CSF2RA: variants seen among roughly 807,000 people sequenced by gnomAD.
CSF2RA encodes colony stimulating factor 2 receptor subunit alpha, also known as granulocyte-macrophage colony-stimulating factor receptor subunit alpha.
Under a neutral mutation model 51.6 loss-of-function variants are expected in CSF2RA, and 42 were observed. That is an observed-to-expected ratio of 0.81 (90% CI 0.64 to 1.05). CSF2RA has a LOEUF of 1.05. CSF2RA is among the 50% of genes least tolerant of loss of function. The probability of loss-of-function intolerance (pLI) is 0.00; values close to 1 mark genes in which losing one functional copy is unlikely to be tolerated. For missense variants in CSF2RA, 530 were observed against 501.1 expected, an observed-to-expected ratio of 1.06 and a Z score of -0.55; for synonymous variants, 222 against 193.0, an observed-to-expected ratio of 1.15 and a Z score of -1.24.
At chrX:1,293,065 A>G (rs1485474744) in intron 7 of CSF2RA, among the ~76,000 whole-genome samples, 1 of 152,004 alleles carries the variant, frequency 6.6e-6, no homozygotes, top group African/African-American at 2.4e-5. Context: ...AACAAGACAC[A>G]GCACATGTTT....
intron 6 of CSF2RA, among the ~76,000 whole-genome samples, 173 bp from the exon 7 acceptor site, chrX:1,290,151 GTTTTGTTTTGTGT>G (rs1206025685): frequency 3.3e-5 from 3 of 90,276 alleles, no homozygotes; most frequent in African/African-American, 8.7e-5. Flanking sequence ...GTTTGTTTTC[GTTTTGTTTTGTGT>G]TTTTGTTTTG....
the CSF2RA span, among the ~76,000 whole-genome samples, chrX:1,321,801 C>G: frequency 6.6e-6 from 1 of 152,076 alleles, no homozygotes; most frequent in Non-Finnish European, 1.5e-5. Context: ...TTTTTTGCCA[C>G]ACTGCTTATG....
chrX:1,305,550 G>C, intron 12 of CSF2RA, 23 bp downstream of exon 12: 1 of 1,613,996 alleles, frequency 6.2e-7, no homozygotes, highest in Non-Finnish European at 8.5e-7. Context: ...GGGCGGAGCA[G>C]TGACCTGGGA....
downstream of CSF2RA, among the ~76,000 whole-genome samples, chrX:1,313,032 C>G (rs1464396326): frequency 6.6e-6 from 1 of 152,034 alleles, no homozygotes; most frequent in Non-Finnish European, 1.5e-5. Context: ...GGAAGCAGGT[C>G]CACCTCCCCA....
At chrX:1,307,583 A>ATCCTT (rs1312319471) in intron 12 of CSF2RA, among the ~76,000 whole-genome samples, 3 of 148,850 alleles carry the variant, frequency 2.0e-5, no homozygotes, top group Admixed American at 6.8e-5. Flanking sequence ...GATGAGGCCC[A>ATCCTT]CCCTTCCCCC....
chrX:1,284,433 T>TTTTC (rs1364684279), intron 3 of CSF2RA, among the ~76,000 whole-genome samples: 10 of 50,534 alleles, frequency 2.0e-4, no homozygotes, highest in East Asian at 1.3e-3. Context: ...AGTTTTTGAT[T>TTTTC]TTTTTTTTTT....
At chrX:1,319,617 A>G in the CSF2RA span, among the ~76,000 whole-genome samples, 1 of 148,020 alleles carries the variant, frequency 6.8e-6, no homozygotes, top group East Asian at 2.0e-4. Context: ...GAATCTCACT[A>G]TGTTACCCAG....
chrX:1,283,948 C>A (rs151281169), intron 3 of CSF2RA, among the ~76,000 whole-genome samples: 1 of 151,674 alleles, frequency 6.6e-6, no homozygotes, highest in African/African-American at 2.4e-5. Context: ...TTTGCGTTTC[C>A]GGGAGGGACC....
At chrX:1,324,154 C>T in the CSF2RA span, among the ~76,000 whole-genome samples, 2 of 151,602 alleles carry the variant, frequency 1.3e-5, no homozygotes, top group Non-Finnish European at 2.9e-5. Flanking sequence ...CGCTGCACTC[C>T]AGCCTGGGTG....
At chrX:1,280,334 A>G (rs2089729211) in intron 2 of CSF2RA, among the ~76,000 whole-genome samples, 1 of 151,852 alleles carries the variant, frequency 6.6e-6, no homozygotes, top group Non-Finnish European at 1.5e-5. Context: ...AGCCTGGCAT[A>G]ATGGCGGGCG....
intron 2 of CSF2RA, chrX:1,281,818 AC>A (rs1348126224): frequency 7.3e-6 from 1 of 136,790 alleles, no homozygotes; most frequent in Non-Finnish European, 1.6e-5. Context: ...TTATGTACTC[AC>A]CCTTTTTTTC....
At chrX:1,270,857 G>T (rs28572374) in intron 1 of CSF2RA, among the ~76,000 whole-genome samples, 110,107 of 138,930 alleles carry the variant, frequency 0.79, 44,058 homozygotes, top group Non-Finnish European at 0.86. Flanking sequence ...CTGGCCAACA[G>T]GGTGAAACCC....
At chrX:1,296,633 G>A (rs1273531611) in intron 9 of CSF2RA, among the ~76,000 whole-genome samples, 15 of 32,116 alleles carry the variant, frequency 4.7e-4, no homozygotes, top group African/African-American at 1.2e-3. Context: ...GACCCCTGGC[G>A]GAACCCTACA....
the CSF2RA span, among the ~76,000 whole-genome samples, chrX:1,318,734 G>A: frequency 4.6e-5 from 7 of 150,882 alleles, no homozygotes; most frequent in South Asian, 2.1e-4. Context: ...TGGCTAACAC[G>A]GTGAAACCCC....
the CSF2RA span, among the ~76,000 whole-genome samples, chrX:1,324,762 A>G: frequency 6.6e-6 from 1 of 152,106 alleles, no homozygotes; most frequent in Non-Finnish European, 1.5e-5. Context: ...GGGACCACGC[A>G]AGATGTGGAC....
intron 7 of CSF2RA, 29 bp from the exon 8 acceptor site, chrX:1,294,299 C>T (rs773356694): frequency 1.2e-6 from 2 of 1,612,454 alleles, no homozygotes; most frequent in Non-Finnish European, 1.7e-6. Context: ...CTCTCGGGTT[C>T]AGGGGTGTGT....
chrX:1,269,403 C>T (rs2088038691), intron 1 of CSF2RA, among the ~76,000 whole-genome samples: 1 of 151,784 alleles, frequency 6.6e-6, no homozygotes, highest in African/African-American at 2.4e-5. Flanking sequence ...GGTGGATCAC[C>T]TGAGGTCGAC....
chrX:1,314,205 G>C (rs184117072), downstream of CSF2RA, among the ~76,000 whole-genome samples: 2,034 of 48,576 alleles, frequency 0.042, 115 homozygotes, highest in African/African-American at 0.17. Context: ...TTGCAGAACC[G>C]CACTGCACCT....
Position 1,300,529 on chromosome X carries a change from TC to T in CSF2RA, c.851del (p.Pro284GlnfsTer11). On this transcript the variant is annotated frameshift_variant, in exon 10 of 13. Transcript: ENST00000381529. LOFTEE classifies it high-confidence loss of function. ...SGDLENRYNF[P>X]SSEPRAKHSV... ...GTGATTTGGAAAATAGATACAACTT[TC>T]CAAGCTCTGAGCCCAGAGCAAAACA... 2.5e-6 allele frequency: 4 copies of T among 1,613,892 alleles called. No homozygotes were observed. Among genetic ancestry groups the T allele is most frequent in the Non-Finnish European group, 3.4e-6 (4 of 1,179,818 alleles).
Sources: allele counts gnomAD v4.1 joint callset (sites outside exome capture counted in the v4.1 genomes callset), GRCh38; gene constraint gnomAD v4.1.1; transcripts MANE v1.5; gene names NCBI Gene and HGNC (gene_info 2026-07-23, HGNC 2026-07-21).